The following USP3 variants were observed in gnomAD, a reference collection of about 807,000 sequenced individuals.
USP3 encodes the protein ubiquitin carboxyl-terminal hydrolase 3.
Under a neutral mutation model 72.3 loss-of-function variants are expected in USP3, and 20 were observed. That is an observed-to-expected ratio of 0.28 (90% CI 0.19 to 0.40). The LOEUF (loss-of-function observed/expected upper bound fraction) is 0.40. Ranked by LOEUF, USP3 falls within the 10% of genes least tolerant of loss-of-function variation. USP3 has a pLI of 1.00. For synonymous variants in USP3, 222 were observed against 225.3 expected (o/e 0.99, Z 0.13); for missense variants, 479 against 633.9 (o/e 0.76, Z 2.62).
rs550431522 is a variant in USP3, at chr15:63,544,353, G to A, written c.284+7197G>A. On this transcript the variant is annotated intron_variant, in intron 3 of 14. Coordinates refer to ENST00000380324, the MANE Select transcript of USP3 (RefSeq NM_006537.4). This position sits in a 1 kb window ranked among gnomAD's most constrained non-coding sequence, Gnocchi z 4.2. Reference sequence around the variant, plus strand: ...ATGCAGGTCTGGATGCTCACTGCTTGTAGAGTCCAGTTAATATGAGTGAGG... The same window carrying A: ...ATGCAGGTCTGGATGCTCACTGCTTATAGAGTCCAGTTAATATGAGTGAGG... The A allele has an allele frequency of 2.7e-5, 6 of 223,288 alleles. No homozygotes were observed. The East Asian group carries it at 6.6e-4, about 25-fold the overall frequency. The allele number at this position is 223,288 out of a possible 1,614,324, so 13.8% of individuals were successfully genotyped here. A position where few individuals can be genotyped will look rare whatever the true frequency, so the allele number is the denominator to read the frequency against.
chr15:63,564,754 TG>T (rs2066661256), intron 8 of USP3, among the ~76,000 whole-genome samples: 1 of 152,236 alleles, frequency 6.6e-6, no homozygotes, highest in Non-Finnish European at 1.5e-5. Context: ...GAATGGCTGA[TG>T]AGAATAGGGT....
At chr15:63,587,247 C>A (rs1441357481) in intron 11 of USP3, among the ~76,000 whole-genome samples, 1 of 152,120 alleles carries the variant, frequency 6.6e-6, no homozygotes, top group Non-Finnish European at 1.5e-5. Flanking sequence ...CTGCACAACT[C>A]TAGGAGAGGC....
intron 7 of USP3, among the ~76,000 whole-genome samples, chr15:63,560,277 A>G (rs778262580): frequency 7.2e-5 from 11 of 151,912 alleles, no homozygotes; most frequent in African/African-American, 1.9e-4. Flanking sequence ...TTAGCCGGGC[A>G]TGGTGGCGGG....
At chr15:63,532,757 G>A (rs1261841530) in intron 2 of USP3, 50 bp downstream of exon 2, 3 of 1,588,944 alleles carry the variant, frequency 1.9e-6, no homozygotes, top group Non-Finnish European at 2.6e-6. Context: ...TTTAAAATTT[G>A]TCTTTAAGCT....
rs1055652101 is a variant in USP3, at chr15:63,584,101, T to G, written c.1097-4204T>G. On this transcript the variant is annotated intron_variant, in intron 11 of 14. Coordinates refer to ENST00000380324, the MANE Select transcript of USP3 (RefSeq NM_006537.4). ...AAGGTACAACGGTTTTGTTTTTTTT[T>G]TTTTTTTTTTTTTTGAGATGGAGTC... Among the ~76,000 whole-genome samples the G allele has an allele frequency of 8.9e-3, 1,279 of 144,002 alleles. 15 individuals carry two copies. The highest frequency in any genetic ancestry group is 0.031 in the African/African-American group (1,217 of 38,704). The allele number at this position is 144,002 out of a possible 152,430, so 94.5% of individuals were successfully genotyped here. A position where few individuals can be genotyped will look rare whatever the true frequency, so the allele number is the denominator to read the frequency against.
At position 63,536,991 on chromosome 15, in the gene USP3, T is replaced by C. The variant is rs1297935619; in HGVS notation, c.153-34T>C. The C allele has an allele frequency of 4.4e-6, 7 of 1,593,040 alleles. No homozygotes were observed. The Admixed American group carries it at 1.2e-4, about 28-fold the overall frequency. ...CCTACTCCTTTAATTTCCAAAGCAA[T>C]ATTTAAAGTAAATTTTCATTTGGTT... is the stretch of plus-strand genomic sequence containing the variant. On this transcript the variant is annotated intron_variant, in intron 2 of 14. Transcript: ENST00000380324.
chr15:63,545,986 A>G (rs1198886785), intron 3 of USP3, among the ~76,000 whole-genome samples: 1 of 151,294 alleles, frequency 6.6e-6, no homozygotes, highest in Non-Finnish European at 1.5e-5. Flanking sequence ...AAAAAAAAAA[A>G]AAAAAAAAAC....
chr15:63,559,527 T>A (rs936478181), intron 6 of USP3, among the ~76,000 whole-genome samples: 1 of 152,232 alleles, frequency 6.6e-6, no homozygotes, highest in Non-Finnish European at 1.5e-5. Context: ...GAGGAAATTA[T>A]TGAATAACTG....
In USP3 at chr15:63,567,837, G is replaced by C. The variant is rs116639341; in HGVS notation, c.762-2596G>C. 1.3e-3 allele frequency among the ~76,000 whole-genome samples: 192 copies of C among 152,268 alleles called. 1 individual carries two copies. The highest frequency in any genetic ancestry group is 4.5e-3 in the African/African-American group (188 of 41,548). ...TTTAAGATTTGGGGAAATTTGGTTT[G>C]TAGTCATTGTGCCAAAACCTTGTGA... On this transcript the variant is annotated intron_variant, in intron 8 of 14. Transcript: ENST00000380324.
chr15:63,557,304 C>A (rs2066529190), intron 5 of USP3, among the ~76,000 whole-genome samples: 1 of 151,968 alleles, frequency 6.6e-6, no homozygotes, highest in African/African-American at 2.4e-5. Flanking sequence ...ACTCTGTCAC[C>A]CAGGCTGGAG....
At chr15:63,540,906 A>G (rs927430142) in intron 3 of USP3, among the ~76,000 whole-genome samples, 23 of 152,206 alleles carry the variant, frequency 1.5e-4, no homozygotes, top group African/African-American at 4.8e-4. Flanking sequence ...GTTAGGTAAT[A>G]TTTCATTTGC....
intron 1 of USP3, among the ~76,000 whole-genome samples, chr15:63,508,360 G>C (rs1187414004): frequency 1.3e-5 from 2 of 152,156 alleles, no homozygotes; most frequent in African/African-American, 4.8e-5. Context: ...GTATTAGCTG[G>C]GAAATAGAGC....
Position 63,574,523 on chromosome 15 carries a change from CAA to C in USP3, c.1096+123_1096+124del, listed in dbSNP as rs1280965661. 2.9e-6 allele frequency: 2 copies of C among 697,166 alleles called. No individual in the cohort carries two copies. Among genetic ancestry groups the C allele is most frequent in the Non-Finnish European group, 2.2e-6 (1 of 462,820 alleles). The allele number at this position is 697,166 out of a possible 1,614,324, so 43.2% of individuals were successfully genotyped here. A position where few individuals can be genotyped will look rare whatever the true frequency, so the allele number is the denominator to read the frequency against. On this transcript the variant is annotated intron_variant, in intron 11 of 14. Coordinates refer to ENST00000380324, the MANE Select transcript of USP3 (RefSeq NM_006537.4). This position sits in a 1 kb window ranked among gnomAD's most constrained non-coding sequence, Gnocchi z 4.6. ...TTAATGAATCTGTGTTGTAACTTAA[CAA>C]AAGTCAAACTTGAATGTCTTTTCCT...
intron 3 of USP3, chr15:63,551,394 TTTAA>T (rs2066434417): frequency 6.6e-6 from 1 of 151,642 alleles, no homozygotes; most frequent in South Asian, 2.1e-4. Flanking sequence ...GCTAAAAAAA[TTTAA>T]TTATAAAATA....
intron 5 of USP3, among the ~76,000 whole-genome samples, chr15:63,557,560 G>A (rs1176315202): frequency 6.6e-5 from 10 of 152,148 alleles, no homozygotes; most frequent in East Asian, 1.9e-4. Context: ...ACCACACCCA[G>A]CCTTTTTGTA....
At chr15:63,518,831 T>C (rs147378807) in intron 1 of USP3, among the ~76,000 whole-genome samples, 3,444 of 152,150 alleles carry the variant, frequency 0.023, 123 homozygotes, top group African/African-American at 0.078. Flanking sequence ...AGTGGCGTGA[T>C]CTCGGCTCAC....
At chr15:63,562,805 CTATATATTAGGCATTTTAGATGGG>C in intron 7 of USP3, 66 bp from the exon 8 acceptor site, 1 of 716,850 alleles carries the variant, frequency 1.4e-6, no homozygotes, top group Non-Finnish European at 2.3e-6. Flanking sequence ...TGTTCATTTC[CTATATATTAGGCATTTTAGATGGG>C]TGGACGCTGT....
rs1038262128 is a variant in USP3, at chr15:63,591,256, T to G, written c.*430T>G. On this transcript the variant is annotated 3_prime_UTR_variant, in exon 15 of 15. Coordinates refer to ENST00000380324, the MANE Select transcript of USP3 (RefSeq NM_006537.4). ...CAGCTATAATGGACATCAGGTTGACTCTAAATCAAGGATCATGTGTGCACA... is the reference window on the plus strand; with the variant it reads ...CAGCTATAATGGACATCAGGTTGACGCTAAATCAAGGATCATGTGTGCACA... The G allele has an allele frequency of 1.3e-5, 2 of 159,256 alleles. No individual in the cohort carries two copies. Among genetic ancestry groups the G allele is most frequent in the African/African-American group, 4.8e-5 (2 of 41,542 alleles). The allele number at this position is 159,256 out of a possible 1,614,324, so 9.9% of individuals were successfully genotyped here. A position where few individuals can be genotyped will look rare whatever the true frequency, so the allele number is the denominator to read the frequency against.
chr15:63,533,724 C>A, intron 2 of USP3: 1 of 484,492 alleles, frequency 2.1e-6, no homozygotes, highest in Non-Finnish European at 3.3e-6. Flanking sequence ...AGTATTTTTT[C>A]CATGTGCACT....
Sources: gnomAD v4.1 joint callset for allele counts (sites outside exome capture counted in the v4.1 genomes callset) on GRCh38, gnomAD v4.1.1 for gene constraint, Gnocchi (gnomAD v3.1) non-coding constraint, MANE v1.5 for transcripts, NCBI Gene and HGNC (gene_info 2026-07-23, HGNC 2026-07-21) for gene names.